Variants in WWOX observed in about 807,000 individuals in gnomAD.
The protein encoded by WWOX is WW domain containing oxidoreductase.
WWOX carries 69 observed loss-of-function variants against 46.2 expected under a neutral mutation model. The observed-to-expected ratio is 1.49, with a 90% CI of 1.23 to 1.82. The LOEUF (loss-of-function observed/expected upper bound fraction) is 1.82. WWOX is among the 40% of genes most tolerant of loss of function. The probability of loss-of-function intolerance (pLI) is 0.00; values close to 1 mark genes in which losing one functional copy is unlikely to be tolerated. For synonymous variants in WWOX, 359 were observed against 202.6 expected (o/e 1.77, Z -6.56); for missense variants, 919 against 542.6 (o/e 1.69, Z -6.89).
At chr16:79,026,908 T>C (rs2047655833) in intron 8 of WWOX, among the ~76,000 whole-genome samples, 2 of 150,196 alleles carry the variant, frequency 1.3e-5, no homozygotes, top group Non-Finnish European at 3.0e-5. Context: ...GGATTACAGG[T>C]GTGAGCCACC....
intron 8 of WWOX, among the ~76,000 whole-genome samples, chr16:78,589,461 G>A (rs893442107): frequency 1.3e-5 from 2 of 152,098 alleles, no homozygotes; most frequent in Admixed American, 6.5e-5. Flanking sequence ...TATGTGGCTG[G>A]CAGTTCTGTC....
At chr16:78,976,922 C>T (rs1399209090) in intron 8 of WWOX, among the ~76,000 whole-genome samples, 1 of 152,172 alleles carries the variant, frequency 6.6e-6, no homozygotes. Flanking sequence ...TTTCTCAGGG[C>T]CATCAGAAAG....
At chr16:78,880,876 T>C (rs549717408) in intron 8 of WWOX, among the ~76,000 whole-genome samples, 12 of 152,278 alleles carry the variant, frequency 7.9e-5, no homozygotes, top group Non-Finnish European at 1.5e-4. Flanking sequence ...TTCTTGTCTA[T>C]GATATCAGAT....
At chr16:78,487,847 A>G (rs898638179) in intron 8 of WWOX, among the ~76,000 whole-genome samples, 1 of 152,044 alleles carries the variant, frequency 6.6e-6, no homozygotes, top group African/African-American at 2.4e-5. Context: ...GGAACCACCA[A>G]TCCCCCAACA....
At chr16:78,581,637 G>A (rs181723848) in intron 8 of WWOX, among the ~76,000 whole-genome samples, 3 of 152,160 alleles carry the variant, frequency 2.0e-5, no homozygotes, top group Non-Finnish European at 4.4e-5. Context: ...TTTCCCGTGG[G>A]CCCCTTTTCA....
chr16:78,776,503 G>T (rs779435801), intron 8 of WWOX, among the ~76,000 whole-genome samples: 4 of 152,166 alleles, frequency 2.6e-5, no homozygotes, highest in Non-Finnish European at 5.9e-5. Context: ...ACCTGGAAAA[G>T]TGTTTAGGAA....
rs186847302 is a variant in WWOX, at chr16:78,849,466, G to A, written c.1057-362142G>A. Among the ~76,000 whole-genome samples, 1,459 of 151,482 alleles carry A rather than the reference G, an allele frequency of 9.6e-3. 26 individuals are homozygous for A. The highest frequency in any genetic ancestry group is 0.034 in the African/African-American group (1,395 of 41,276). ...GCGGGCGCCTGTAGTCCCAGCTACTGGGGAGGCTGAGGCAGGAGAATGGCG... is the reference window on the plus strand; with the variant it reads ...GCGGGCGCCTGTAGTCCCAGCTACTAGGGAGGCTGAGGCAGGAGAATGGCG... On this transcript the variant is annotated intron_variant, in intron 8 of 8. Transcript: ENST00000566780.
At chr16:79,027,772 A>T (rs772620523) in intron 8 of WWOX, among the ~76,000 whole-genome samples, 1 of 151,664 alleles carries the variant, frequency 6.6e-6, no homozygotes, top group Non-Finnish European at 1.5e-5. Context: ...TTTTTGATAT[A>T]GATGTCTCTT....
chr16:78,464,046 A>G (rs574115481), intron 8 of WWOX, among the ~76,000 whole-genome samples: 5 of 152,256 alleles, frequency 3.3e-5, no homozygotes, highest in African/African-American at 1.2e-4. Flanking sequence ...TGTAGAGGAG[A>G]TGAAGCTGAT....
chr16:78,174,995 A>ATAG (rs1221091296), intron 5 of WWOX, among the ~76,000 whole-genome samples: 40 of 94,342 alleles, frequency 4.2e-4, no homozygotes, highest in East Asian at 2.6e-3. Flanking sequence ...CTCAAAAATA[A>ATAG]TAGTAATAAT....
chr16:79,146,815 C>T (rs532211169), intron 8 of WWOX, among the ~76,000 whole-genome samples: 1 of 152,078 alleles, frequency 6.6e-6, no homozygotes, highest in African/African-American at 2.4e-5. Flanking sequence ...GGATTGGAGA[C>T]CCCAGCAGAA....
Position 78,430,621 on chromosome 16 carries a change from A to C in WWOX, c.792-1867A>C, listed in dbSNP as rs1175337986. Among the ~76,000 whole-genome samples, 4 of 152,250 alleles carry C rather than the reference A, an allele frequency of 2.6e-5. No homozygotes were observed. The East Asian group carries it at 7.7e-4, about 29-fold the overall frequency. On this transcript the variant is annotated intron_variant, in intron 7 of 8. Transcript: ENST00000566780. ...TCATATATTTTCAAATTGCCTGCTG[A>C]GTTCCATTGCCTTAGACAATTAAGC...
At chr16:78,629,589 C>T (rs530202273) in intron 8 of WWOX, among the ~76,000 whole-genome samples, 1 of 152,282 alleles carries the variant, frequency 6.6e-6, no homozygotes, top group South Asian at 2.1e-4. Context: ...CCCCTGCCAA[C>T]CTCTGCAGCT....
intron 8 of WWOX, among the ~76,000 whole-genome samples, chr16:78,915,848 A>T (rs540496975): frequency 6.6e-6 from 1 of 152,300 alleles, no homozygotes; most frequent in South Asian, 2.1e-4. Context: ...TGATCACCAC[A>T]GCTTTATAAC....
chr16:78,632,230 A>G (rs537962213), intron 8 of WWOX, among the ~76,000 whole-genome samples: 2 of 152,206 alleles, frequency 1.3e-5, no homozygotes, highest in East Asian at 1.9e-4. Context: ...TATCTGTACA[A>G]TGGGGTTAAT....
chr16:78,650,490 G>C (rs559587079), intron 8 of WWOX, among the ~76,000 whole-genome samples: 10 of 152,256 alleles, frequency 6.6e-5, no homozygotes, highest in African/African-American at 2.4e-4. Flanking sequence ...CAATGCTTGA[G>C]ATTTGCCCTG....
chr16:78,601,610 T>C (rs889021941), intron 8 of WWOX, among the ~76,000 whole-genome samples: 2 of 152,212 alleles, frequency 1.3e-5, no homozygotes, highest in African/African-American at 2.4e-5. Flanking sequence ...GTGTAAAATA[T>C]ATACTTTCTA....
At chr16:78,634,578 C>T (rs979470337) in intron 8 of WWOX, among the ~76,000 whole-genome samples, 6 of 151,760 alleles carry the variant, frequency 4.0e-5, no homozygotes, top group Non-Finnish European at 5.9e-5. Context: ...TGGTGGCGGG[C>T]GCCTGTAATC....
intron 8 of WWOX, among the ~76,000 whole-genome samples, chr16:78,486,528 G>T (rs1200897737): frequency 6.6e-6 from 1 of 150,488 alleles, no homozygotes; most frequent in Non-Finnish European, 1.5e-5. Flanking sequence ...CCTGGTTGTT[G>T]TACACTACTG....
Sources: gnomAD v4.1 joint callset for allele counts (sites outside exome capture counted in the v4.1 genomes callset) on GRCh38, gnomAD v4.1.1 for gene constraint, MANE v1.5 for transcripts, NCBI Gene and HGNC (gene_info 2026-07-23, HGNC 2026-07-21) for gene names.